CEP83: variants seen among roughly 807,000 people sequenced by gnomAD.
The protein encoded by CEP83 is centrosomal protein of 83 kDa.
Under a neutral mutation model 101.9 loss-of-function variants are expected in CEP83, and 70 were observed. That is an observed-to-expected ratio of 0.69 (90% CI 0.57 to 0.84). The LOEUF (loss-of-function observed/expected upper bound fraction) is 0.84. Among genes scored for constraint, CEP83 ranks in the 40% least tolerant of loss-of-function variants. The probability of loss-of-function intolerance (pLI) is 0.00; values close to 1 mark genes in which losing one functional copy is unlikely to be tolerated. For synonymous variants in CEP83, 264 were observed against 267.9 expected (o/e 0.99, Z 0.14); for missense variants, 715 against 787.2 (o/e 0.91, Z 1.10).
At chr12:94,445,286 C>T (rs2066716772) in intron 1 of CEP83, among the ~76,000 whole-genome samples, 1 of 151,940 alleles carries the variant, frequency 6.6e-6, no homozygotes, top group Admixed American at 6.6e-5. Context: ...CACACACACA[C>T]ACACACAAAG....
chr12:94,345,271 A>G (rs1336377125), intron 11 of CEP83, among the ~76,000 whole-genome samples: 1 of 152,232 alleles, frequency 6.6e-6, no homozygotes, highest in Non-Finnish European at 1.5e-5. Context: ...AAAGTGGTGT[A>G]GTATTATGAT....
At chr12:94,320,156 A>G (rs571250452) in intron 14 of CEP83, among the ~76,000 whole-genome samples, 3 of 152,266 alleles carry the variant, frequency 2.0e-5, no homozygotes, top group East Asian at 3.9e-4. Flanking sequence ...TGAAACTAGG[A>G]TTGCAACCCT....
At chr12:94,381,717 C>G (rs2061860287) in intron 6 of CEP83, among the ~76,000 whole-genome samples, 1 of 152,062 alleles carries the variant, frequency 6.6e-6, no homozygotes, top group Admixed American at 6.6e-5. Context: ...TTACTGTCTT[C>G]TGGCTTTTAT....
intron 1 of CEP83, among the ~76,000 whole-genome samples, chr12:94,440,689 C>G (rs919081950): frequency 6.6e-6 from 1 of 151,432 alleles, no homozygotes; most frequent in African/African-American, 2.4e-5. Flanking sequence ...GAAAAAAAAT[C>G]CTAAAATTCA....
intron 14 of CEP83, among the ~76,000 whole-genome samples, chr12:94,331,065 G>A (rs1221026498): frequency 6.6e-6 from 1 of 152,026 alleles, no homozygotes; most frequent in Non-Finnish European, 1.5e-5. Flanking sequence ...GCTGAGGTGG[G>A]AGGATCACTT....
downstream of CEP83, among the ~76,000 whole-genome samples, chr12:94,301,978 C>T (rs1968510242): frequency 6.6e-6 from 1 of 152,158 alleles, no homozygotes; most frequent in Non-Finnish European, 1.5e-5. Flanking sequence ...TTAGCCTTAT[C>T]CCTTCATCCC....
chr12:94,366,578 G>T (rs1004339366), intron 11 of CEP83, among the ~76,000 whole-genome samples: 17 of 152,048 alleles, frequency 1.1e-4, no homozygotes, highest in African/African-American at 3.9e-4. Context: ...CACGGTGCTG[G>T]AACAGAACTG....
At chr12:94,348,436 C>T (rs1449399264) in intron 11 of CEP83, among the ~76,000 whole-genome samples, 3 of 152,058 alleles carry the variant, frequency 2.0e-5, no homozygotes, top group African/African-American at 7.2e-5. Context: ...GTCTCATGAA[C>T]TGAGTGAAAA....
At position 94,413,867 on chromosome 12, in the gene CEP83, T is replaced by G. The variant is rs867388989; in HGVS notation, c.-101-1276A>C. ...ACACACACACACACACACACACACA[T>G]ACATACATATTTTTTTCCTGATAGA... On this transcript the variant is annotated intron_variant, in intron 2 of 16. Transcript: ENST00000397809. 2.3e-5 allele frequency among the ~76,000 whole-genome samples: 3 copies of G among 129,948 alleles called. No homozygotes were observed. In the South Asian group the frequency reaches 8.0e-4, roughly 35 times the overall value. The allele number at this position is 129,948 out of a possible 152,430, so 85.3% of individuals were successfully genotyped here. A position where few individuals can be genotyped will look rare whatever the true frequency, so the allele number is the denominator to read the frequency against.
At chr12:94,437,649 G>C (rs2066094839) in intron 1 of CEP83, among the ~76,000 whole-genome samples, 1 of 152,112 alleles carries the variant, frequency 6.6e-6, no homozygotes, top group Non-Finnish European at 1.5e-5. Context: ...TATAATGAAA[G>C]AGCAATAGAG....
intron 1 of CEP83, among the ~76,000 whole-genome samples, chr12:94,437,826 CA>C (rs770258386): frequency 6.6e-6 from 1 of 151,834 alleles, no homozygotes; most frequent in South Asian, 2.1e-4. Flanking sequence ...ACAATGCAAA[CA>C]AAAAAAGGTA....
chr12:94,291,666 T>C, the CEP83 span, among the ~76,000 whole-genome samples: 19 of 152,210 alleles, frequency 1.2e-4, no homozygotes, highest in African/African-American at 4.6e-4. Flanking sequence ...GAAGAAACCT[T>C]GAATTCATTA....
At position 94,412,339 on chromosome 12, in the gene CEP83, G is replaced by A. The variant is rs1336325509; in HGVS notation, c.152C>T (p.Thr51Ile). Reference sequence around the variant, plus strand: ...TTACCTTGTGTGTTCAGCCTTCAGTGTCTGATAATTAGCTTTATGATGCTC... The same window carrying A: ...TTACCTTGTGTGTTCAGCCTTCAGTATCTGATAATTAGCTTTATGATGCTC... ...RCEHHKANYQ[T>I]LKAEHTRLQN... The change falls in exon 3 of 17, where the codon ACA becomes ATA. Residue 51 changes from threonine (T) to isoleucine (I), a missense_variant. By Grantham distance (89) the Thr-to-Ile change is moderately conservative (BLOSUM62 -1). Coordinates refer to ENST00000397809, the MANE Select transcript of CEP83 (RefSeq NM_016122.3). 1 of 1,609,124 alleles carries A rather than the reference G, an allele frequency of 6.2e-7. No homozygotes were observed. The highest frequency in any genetic ancestry group is 1.1e-5 in the South Asian group (1 of 89,836).
chr12:94,407,454 T>C (rs545548335), intron 4 of CEP83, among the ~76,000 whole-genome samples: 23 of 152,318 alleles, frequency 1.5e-4, no homozygotes, highest in African/African-American at 5.1e-4. Context: ...ACAATATCCA[T>C]GCAGCTTCTA....
intron 6 of CEP83, among the ~76,000 whole-genome samples, chr12:94,388,426 C>A (rs1450902444): frequency 6.6e-6 from 1 of 151,994 alleles, no homozygotes; most frequent in African/African-American, 2.4e-5. Context: ...GAACTGGGGA[C>A]TACCAGAGAG....
chr12:94,296,289 T>C, the CEP83 span, among the ~76,000 whole-genome samples: 1 of 152,142 alleles, frequency 6.6e-6, no homozygotes, highest in Admixed American at 6.5e-5. Context: ...GCCTCCCAAG[T>C]AGCTGGGATT....
intron 6 of CEP83, among the ~76,000 whole-genome samples, chr12:94,398,005 CG>C (rs2063007255): frequency 6.6e-6 from 1 of 152,060 alleles, no homozygotes; most frequent in South Asian, 2.1e-4. Context: ...CACACACTGT[CG>C]AGACTCAGGT....
At chr12:94,397,344 C>T (rs1221177832) in intron 6 of CEP83, among the ~76,000 whole-genome samples, 7 of 151,984 alleles carry the variant, frequency 4.6e-5, no homozygotes, top group African/African-American at 1.7e-4. Context: ...ACTAAAAATA[C>T]AATAATTAGC....
intron 1 of CEP83, among the ~76,000 whole-genome samples, chr12:94,453,083 A>G (rs1212526323): frequency 6.6e-6 from 1 of 152,170 alleles, no homozygotes; most frequent in Non-Finnish European, 1.5e-5. Context: ...AACAATTTCC[A>G]TTTAATCAAT....
Sources: allele counts gnomAD v4.1 joint callset (sites outside exome capture counted in the v4.1 genomes callset), GRCh38; gene constraint gnomAD v4.1.1; transcripts MANE v1.5; gene names NCBI Gene and HGNC (gene_info 2026-07-23, HGNC 2026-07-21).